The following CCDC7 variants were observed in gnomAD, a reference collection of about 807,000 sequenced individuals.
CCDC7 encodes the protein coiled-coil domain containing 7.
In CCDC7, 183 loss-of-function variants were observed where a neutral mutation model predicts 196.9. The observed-to-expected ratio is 0.93, with a 90% confidence interval of 0.82 to 1.05. The LOEUF (loss-of-function observed/expected upper bound fraction) is 1.05. Among genes scored for constraint, CCDC7 ranks in the 50% least tolerant of loss-of-function variants. The probability of loss-of-function intolerance (pLI) is 0.00; values close to 1 mark genes in which losing one functional copy is unlikely to be tolerated. For missense variants in CCDC7, 1,540 were observed against 1,482.2 expected (o/e 1.04, Z -0.64); for synonymous variants, 525 against 484.6 (o/e 1.08, Z -1.10).
At chr10:32,622,130 C>T (rs939362521) in intron 18 of CCDC7, among the ~76,000 whole-genome samples, 6 of 152,112 alleles carry the variant, frequency 3.9e-5, no homozygotes, top group African/African-American at 1.4e-4. Flanking sequence ...GTACTTCATT[C>T]TGTATTCTGA....
chr10:32,519,945 C>T (rs549259472), intron 11 of CCDC7, among the ~76,000 whole-genome samples: 1 of 152,166 alleles, frequency 6.6e-6, no homozygotes, highest in South Asian at 2.1e-4. Context: ...ATTTTTAACC[C>T]CCACGAATAA....
At chr10:32,622,665 C>G (rs1216388876) in intron 18 of CCDC7, among the ~76,000 whole-genome samples, 1 of 151,938 alleles carries the variant, frequency 6.6e-6, no homozygotes, top group African/African-American at 2.4e-5. Flanking sequence ...GGATGTTTAA[C>G]AGCATGCCTG....
intron 28 of CCDC7, among the ~76,000 whole-genome samples, chr10:32,763,479 G>A (rs2077771331): frequency 6.6e-6 from 1 of 151,830 alleles, no homozygotes; most frequent in African/African-American, 2.4e-5. Flanking sequence ...TTCCCCTTCT[G>A]GGTACATACG....
intron 25 of CCDC7, among the ~76,000 whole-genome samples, chr10:32,713,231 G>A (rs1368678133): frequency 6.6e-6 from 1 of 152,246 alleles, no homozygotes; most frequent in Non-Finnish European, 1.5e-5. Flanking sequence ...TGTTTGTGGT[G>A]ACCTCAGATT....
chr10:32,679,598 T>A (rs1353923143), intron 21 of CCDC7, among the ~76,000 whole-genome samples: 1 of 152,218 alleles, frequency 6.6e-6, no homozygotes, highest in Non-Finnish European at 1.5e-5. Flanking sequence ...TCACATGGAA[T>A]AAGACAACAT....
At chr10:32,675,508 T>C (rs372583261) in intron 21 of CCDC7, among the ~76,000 whole-genome samples, 60 of 152,168 alleles carry the variant, frequency 3.9e-4, no homozygotes, top group African/African-American at 1.4e-3. Flanking sequence ...CTTAATACTT[T>C]TGCTTTTAAC....
intron 13 of CCDC7, among the ~76,000 whole-genome samples, chr10:32,547,200 A>G (rs562429466): frequency 6.6e-6 from 1 of 151,990 alleles, no homozygotes; most frequent in Admixed American, 6.6e-5. Flanking sequence ...ATGTTTTTTA[A>G]GTTTTTTGTA....
At chr10:32,779,915 C>T (rs2080767690) in intron 29 of CCDC7, among the ~76,000 whole-genome samples, 1 of 152,108 alleles carries the variant, frequency 6.6e-6, no homozygotes, top group Non-Finnish European at 1.5e-5. Context: ...AAACTCCTGG[C>T]AATCACAGCA....
chr10:32,753,641 A>G (rs1328754768), intron 28 of CCDC7, among the ~76,000 whole-genome samples: 1 of 152,146 alleles, frequency 6.6e-6, no homozygotes, highest in African/African-American at 2.4e-5. Context: ...GCTTTAAAGT[A>G]TATAATGAGA....
chr10:32,530,177 T>A (rs2049404566), intron 11 of CCDC7, among the ~76,000 whole-genome samples: 1 of 152,214 alleles, frequency 6.6e-6, no homozygotes, highest in Non-Finnish European at 1.5e-5. Flanking sequence ...ACTATAGCCT[T>A]ATAGTATAGT....
chr10:32,517,624 G>C (rs1441601314), intron 9 of CCDC7, among the ~76,000 whole-genome samples: 1 of 108,906 alleles, frequency 9.2e-6, no homozygotes, highest in African/African-American at 3.4e-5. Context: ...GTTATGGGGT[G>C]GGGGGAGGGG....
chr10:32,607,641 G>A (rs2061679512), intron 18 of CCDC7, among the ~76,000 whole-genome samples: 1 of 152,052 alleles, frequency 6.6e-6, no homozygotes. Context: ...TTGATTTGTG[G>A]ACATTGAATC....
At chr10:32,561,058 CAA>C (rs1409884534) in intron 13 of CCDC7, among the ~76,000 whole-genome samples, 1 of 151,626 alleles carries the variant, frequency 6.6e-6, no homozygotes, top group Non-Finnish European at 1.5e-5. Flanking sequence ...CCACAAAGAT[CAA>C]AAGAGACAAG....
At chr10:32,707,007 G>C (rs1360843638) in intron 24 of CCDC7, among the ~76,000 whole-genome samples, 1 of 152,120 alleles carries the variant, frequency 6.6e-6, no homozygotes, top group Non-Finnish European at 1.5e-5. Flanking sequence ...GCCTGGCAGA[G>C]ACACAACAAA....
At chr10:32,788,515 G>C (rs933868846) in intron 29 of CCDC7, among the ~76,000 whole-genome samples, 1 of 152,182 alleles carries the variant, frequency 6.6e-6, no homozygotes, top group Non-Finnish European at 1.5e-5. Context: ...TGTGGCCCCA[G>C]ACTTGCCTCT....
chr10:32,768,059 A>G (rs1411497095), intron 28 of CCDC7, among the ~76,000 whole-genome samples: 1 of 151,992 alleles, frequency 6.6e-6, no homozygotes, highest in Non-Finnish European at 1.5e-5. Flanking sequence ...TTTTGAAAAT[A>G]CAGAGAAGAA....
chr10:32,693,941 G>C (rs2077383227), intron 23 of CCDC7, among the ~76,000 whole-genome samples: 1 of 152,030 alleles, frequency 6.6e-6, no homozygotes, highest in Non-Finnish European at 1.5e-5. Context: ...GGGATAAGTA[G>C]GCTGCAAAAC....
chr10:32,769,467 T>TGTA (rs2078831478), intron 28 of CCDC7, among the ~76,000 whole-genome samples: 1 of 150,854 alleles, frequency 6.6e-6, no homozygotes, highest in Non-Finnish European at 1.5e-5. Flanking sequence ...GTTGATCCAT[T>TGTA]GTATTATTAT....
intron 18 of CCDC7, among the ~76,000 whole-genome samples, chr10:32,605,097 T>C (rs1212221827): frequency 6.6e-6 from 1 of 151,950 alleles, no homozygotes; most frequent in Non-Finnish European, 1.5e-5. Context: ...TGAGGTTTGG[T>C]TAAAAGTATG....
Sources: allele counts gnomAD v4.1 joint callset (sites outside exome capture counted in the v4.1 genomes callset), GRCh38; gene constraint gnomAD v4.1.1; transcripts MANE v1.5; gene names NCBI Gene and HGNC (gene_info 2026-07-23, HGNC 2026-07-21).